The following ERC1 variants were observed in gnomAD, a reference collection of about 807,000 sequenced individuals.
ERC1 encodes ELKS/RAB6-interacting/CAST family member 1.
Under a neutral mutation model 132.0 loss-of-function variants are expected in ERC1, and 56 were observed. That is an observed-to-expected ratio of 0.42 (90% CI 0.34 to 0.53). The LOEUF (loss-of-function observed/expected upper bound fraction) is 0.53, where lower values mean the gene tolerates loss of function less well. ERC1 is among the 20% of genes least tolerant of loss of function. The pLI, the probability that ERC1 is intolerant of heterozygous loss-of-function variation, is 0.03. For missense variants in ERC1, 1,202 were observed against 1,349.9 expected, an observed-to-expected ratio of 0.89 and a Z score of 1.72; for synonymous variants, 478 against 476.1, an observed-to-expected ratio of 1.00 and a Z score of -0.05.
intron 16 of ERC1, chr12:1,386,672 A>G (rs996572224): frequency 3.7e-5 from 5 of 135,748 alleles, no homozygotes; most frequent in Admixed American, 3.0e-4. Context: ...AAAACATTAA[A>G]AAGTACACAT....
In ERC1 at chr12:1,436,262, G is replaced by A. The variant is rs1213539398; in HGVS notation, c.3025-8300G>A. ...CTCCTCCAGAGACTGGCCTGTCTTTGGGAGCCTTTGTACAGATAAACTATC... is the reference window on the plus strand; with the variant it reads ...CTCCTCCAGAGACTGGCCTGTCTTTAGGAGCCTTTGTACAGATAAACTATC... On this transcript the variant is annotated intron_variant, in intron 17 of 18. Coordinates refer to ENST00000360905, the MANE Select transcript of ERC1 (RefSeq NM_178040.4). Among the ~76,000 whole-genome samples the A allele has an allele frequency of 2.0e-5, 3 of 152,218 alleles. No individual in the cohort carries two copies. In the East Asian group the frequency reaches 5.8e-4, roughly 29 times the overall value.
At chr12:1,221,797 CTG>C (rs747999531) in intron 12 of ERC1, among the ~76,000 whole-genome samples, 1 of 152,042 alleles carries the variant, frequency 6.6e-6, no homozygotes, top group Non-Finnish European at 1.5e-5. Flanking sequence ...TTTATGTTAA[CTG>C]TGAGTGGAGC....
intron 1 of ERC1, among the ~76,000 whole-genome samples, chr12:1,007,030 G>T (rs1351173249): frequency 6.6e-6 from 1 of 151,596 alleles, no homozygotes. Context: ...ACTCTGTATT[G>T]TGTTCCATCT....
At chr12:1,195,732 A>G (rs1453262242) in intron 12 of ERC1, among the ~76,000 whole-genome samples, 1 of 152,196 alleles carries the variant, frequency 6.6e-6, no homozygotes, top group Non-Finnish European at 1.5e-5. Flanking sequence ...TTGGAACTGA[A>G]ATGGACTATT....
At chr12:1,405,642 G>A (rs927336458) in intron 16 of ERC1, among the ~76,000 whole-genome samples, 8 of 152,188 alleles carry the variant, frequency 5.3e-5, no homozygotes, top group Non-Finnish European at 1.0e-4. Context: ...GGCAGAGGTT[G>A]CAGTGAGCCA....
intron 4 of ERC1, among the ~76,000 whole-genome samples, chr12:1,107,363 A>C (rs796634387): frequency 7.2e-5 from 11 of 152,240 alleles, no homozygotes; most frequent in African/African-American, 2.6e-4. Flanking sequence ...AGTAGTTTGG[A>C]CGTTGGTCCT....
chr12:1,430,960 G>A (rs763385135), intron 17 of ERC1, among the ~76,000 whole-genome samples: 1 of 152,136 alleles, frequency 6.6e-6, no homozygotes, highest in Non-Finnish European at 1.5e-5. Flanking sequence ...AAGAAGCTCT[G>A]GTTCTTATAG....
rs1374832296 is a variant in ERC1, at chr12:1,444,614, A to G, written c.3077A>G (p.Tyr1026Cys). Residue 1026 changes from tyrosine to cysteine, a missense_variant, in exon 18 of 19, where the codon TAC (tyrosine) becomes TGC (cysteine). By Grantham distance (194) the Tyr-to-Cys change is radical. Coordinates refer to ENST00000360905, the MANE Select transcript of ERC1 (RefSeq NM_178040.4). ...LDQNRSKLKL[Y>C]IGHLTTLCHD... is the part of the protein sequence containing the mutation. ...CAAAATAGAAGTAAATTAAAGTTGT[A>G]CATTGGACACCTGACAACCCTCTGC... The G allele has an allele frequency of 3.7e-6, 6 of 1,613,886 alleles. No homozygotes were observed. The highest frequency in any genetic ancestry group is 5.1e-6 in the Non-Finnish European group (6 of 1,179,956).
Position 1,162,915 on chromosome 12 carries a change from T to C in ERC1, c.1738-17625T>C, listed in dbSNP as rs114944614. Among the ~76,000 whole-genome samples the C allele has an allele frequency of 3.5e-3, 533 of 152,292 alleles. 8 individuals carry two copies. Among genetic ancestry groups the C allele is most frequent in the African/African-American group, 0.012 (515 of 41,574 alleles). On this transcript the variant is annotated intron_variant, in intron 8 of 18. Transcript: ENST00000360905. ...TCGTTTTCTTTCCTTTACTTATAAT[T>C]GTCTAATAGAACTCACTTTGCAGTT...
chr12:1,180,506 C>T (rs759212600), intron 8 of ERC1, 34 bp from the exon 9 acceptor site: 4 of 1,599,182 alleles, frequency 2.5e-6, no homozygotes, highest in Non-Finnish European at 3.4e-6. Flanking sequence ...TATACATGTC[C>T]TCTCTTTTCC....
intron 15 of ERC1, among the ~76,000 whole-genome samples, chr12:1,357,038 A>G (rs1482241737): frequency 6.6e-6 from 1 of 152,202 alleles, no homozygotes; most frequent in East Asian, 1.9e-4. Flanking sequence ...TCAGCATCCC[A>G]GCATGCACTC....
intron 7 of ERC1, among the ~76,000 whole-genome samples, chr12:1,132,438 T>G (rs1369457350): frequency 2.0e-5 from 3 of 152,208 alleles, no homozygotes; most frequent in African/African-American, 7.2e-5. Flanking sequence ...CCCTTTTCAG[T>G]CACCTTTTTC....
intron 12 of ERC1, among the ~76,000 whole-genome samples, chr12:1,201,135 A>G (rs1956877628): frequency 1.3e-5 from 2 of 152,342 alleles, no homozygotes; most frequent in South Asian, 2.1e-4. Context: ...TAGATTAAAC[A>G]AAAGTGTAGA....
chr12:1,020,625 T>A (rs1966215590), intron 1 of ERC1: 1 of 152,204 alleles, frequency 6.6e-6, no homozygotes, highest in African/African-American at 2.4e-5. Context: ...CTATCTCACG[T>A]GGCTGTTGGC....
chr12:1,056,071 CTTTTT>C (rs746163650), intron 2 of ERC1, among the ~76,000 whole-genome samples: 4 of 138,160 alleles, frequency 2.9e-5, no homozygotes, highest in African/African-American at 1.1e-4. Context: ...TTATTGTAGC[CTTTTT>C]TTTTTTTTAA....
intron 8 of ERC1, among the ~76,000 whole-genome samples, chr12:1,174,782 A>G (rs1485422959): frequency 2.0e-5 from 3 of 152,210 alleles, no homozygotes; most frequent in African/African-American, 7.2e-5. Context: ...CCCTTTCTTG[A>G]CAGGAAAGTC....
intron 14 of ERC1, among the ~76,000 whole-genome samples, chr12:1,263,630 C>T (rs757290453): frequency 6.6e-6 from 1 of 152,114 alleles, no homozygotes; most frequent in African/African-American, 2.4e-5. Context: ...CAAGACTGGG[C>T]ACAACCCTGG....
At chr12:1,198,199 A>G (rs1956524364) in intron 12 of ERC1, among the ~76,000 whole-genome samples, 2 of 152,168 alleles carry the variant, frequency 1.3e-5, no homozygotes, top group African/African-American at 4.8e-5. Flanking sequence ...AAGTGATACG[A>G]TTACAGAGGT....
At chr12:995,921 A>G (rs1276067813) in intron 1 of ERC1, among the ~76,000 whole-genome samples, 4 of 152,142 alleles carry the variant, frequency 2.6e-5, no homozygotes, top group Non-Finnish European at 5.9e-5. Context: ...AGCTTTCAAG[A>G]AGGAGGGAAC....
Sources: allele counts gnomAD v4.1 joint callset (sites outside exome capture counted in the v4.1 genomes callset), GRCh38; gene constraint gnomAD v4.1.1; transcripts MANE v1.5; gene names NCBI Gene and HGNC (gene_info 2026-07-23, HGNC 2026-07-21).